ZNF483: variants seen among roughly 807,000 people sequenced by gnomAD.
ZNF483 encodes the protein zinc finger protein 483, also known as zinc finger protein HIT-10.
A neutral mutation model predicts 28.6 loss-of-function variants in ZNF483; 9 were observed. The ratio of observed to expected loss-of-function variants is 0.32; its 90% CI spans 0.19 to 0.55. The LOEUF is 0.55. Among genes scored for constraint, ZNF483 ranks in the 20% least tolerant of loss-of-function variants. The pLI is 0.93. For missense variants in ZNF483, 675 were observed against 871.7 expected, an observed-to-expected ratio of 0.77 and a Z score of 2.84; for synonymous variants, 322 against 306.2, an observed-to-expected ratio of 1.05 and a Z score of -0.54.
Position 111,527,733 on chromosome 9 carries a change from AG to A in ZNF483, c.339del (p.Lys113AsnfsTer12). 6.2e-7 allele frequency: 1 copy of A among 1,614,166 alleles called. No individual in the cohort carries two copies. The highest frequency in any genetic ancestry group is 1.1e-5 in the South Asian group (1 of 91,082). ...CCTGGGGAGATCAGGATTTGGGTAA[AG>A]TCACAACATCCTGAGAGTAGTGAGG... Reference protein sequence around the residue: ...ILPGEIRIWVKSQHPESSEEV... With the variant: ...ILPGEIRIWVXSQHPESSEEV... On this transcript the variant is annotated frameshift_variant, in exon 2 of 6. Transcript: ENST00000309235. LOFTEE classifies it high-confidence loss of function.
At chr9:111,566,644 G>C (rs1181419638) in intron 5 of ZNF483, among the ~76,000 whole-genome samples, 2 of 152,190 alleles carry the variant, frequency 1.3e-5, no homozygotes, top group African/African-American at 4.8e-5. Flanking sequence ...ACCTGGAAGA[G>C]CTGTGGCACA....
rs1359657381 is a variant in ZNF483, at chr9:111,549,842, A to G, written c.*6672A>G. On this transcript the variant is annotated 3_prime_UTR_variant, in exon 6 of 6. Transcript: ENST00000309235. Reference sequence around the variant, plus strand: ...ACATTTAGCTCTTTGAGCATCTTTAAGGCAGTTGCTTTAAAGTCTGTCTAG... The same window carrying G: ...ACATTTAGCTCTTTGAGCATCTTTAGGGCAGTTGCTTTAAAGTCTGTCTAG... 7.7e-7 allele frequency: 1 copy of G among 1,291,610 alleles called. No individual in the cohort carries two copies. The highest frequency in any genetic ancestry group is 1.1e-6 in the Non-Finnish European group (1 of 916,504). 80.0% of individuals were successfully genotyped at this position (1,291,610 alleles called of 1,614,324 possible). A position where few individuals can be genotyped will look rare whatever the true frequency, so the allele number is the denominator to read the frequency against.
Position 111,552,323 on chromosome 9 carries a change from T to G in ZNF483, c.*9153T>G, listed in dbSNP as rs1012412534. Among the ~76,000 whole-genome samples the G allele has an allele frequency of 6.6e-6, 1 of 152,234 alleles. No homozygotes were observed. Among genetic ancestry groups the G allele is most frequent in the Non-Finnish European group, 1.5e-5 (1 of 68,026 alleles). Reference sequence around the variant, plus strand: ...GAAGTTTCATAAACTGTCAACATTCTATAGCTTTTGTGCATATGTACTGAA... The same window carrying G: ...GAAGTTTCATAAACTGTCAACATTCGATAGCTTTTGTGCATATGTACTGAA... On this transcript the variant is annotated 3_prime_UTR_variant, in exon 6 of 6. Coordinates refer to ENST00000309235, the MANE Select transcript of ZNF483 (RefSeq NM_133464.5).
In ZNF483 at chr9:111,543,904, T is replaced by TC. The variant is rs1827739362; in HGVS notation, c.*736dup. The TC allele has an allele frequency of 1.0e-6, 1 of 984,922 alleles. No homozygotes were observed. The highest frequency in any genetic ancestry group is 4.7e-5 in the South Asian group (1 of 21,252). The allele number at this position is 984,922 out of a possible 1,614,324, so 61.0% of individuals were successfully genotyped here. On this transcript the variant is annotated 3_prime_UTR_variant, in exon 6 of 6. Transcript: ENST00000309235. The stretch of plus-strand genomic sequence containing the variant: ...TGAGTAGCTGACATTACGGGTACAC[T>TC]CCATCAAGCCTGGTTCCTAGGATGC...
intron 1 of ZNF483, among the ~76,000 whole-genome samples, chr9:111,525,766 G>T (rs565320829): frequency 6.6e-6 from 1 of 152,234 alleles, no homozygotes; most frequent in East Asian, 1.9e-4. Flanking sequence ...AGTCATCGCG[G>T]AGCCCCAGGT....
intron 3 of ZNF483, 73 bp downstream of exon 3, chr9:111,531,036 T>C (rs549653970): frequency 4.8e-5 from 33 of 690,332 alleles, no homozygotes; most frequent in Non-Finnish European, 1.3e-5. Flanking sequence ...TATAAAGATA[T>C]AAAAATAAAA....
chr9:111,534,004 GGTTC>G, intron 4 of ZNF483, 139 bp downstream of exon 4: 3 of 1,111,058 alleles, frequency 2.7e-6, no homozygotes, highest in Non-Finnish European at 3.9e-6. Context: ...CCTAAAAACT[GGTTC>G]TGAAAATGTG....
At chr9:111,568,742 ACTCTTT>A (rs1442610616) in intron 5 of ZNF483, among the ~76,000 whole-genome samples, 8 of 151,906 alleles carry the variant, frequency 5.3e-5, no homozygotes, top group African/African-American at 1.7e-4. Flanking sequence ...CTCTCTTTGT[ACTCTTT>A]CTCTTTATTT....
intron 5 of ZNF483, among the ~76,000 whole-genome samples, chr9:111,537,056 A>C (rs1827525337): frequency 6.6e-6 from 1 of 152,162 alleles, no homozygotes; most frequent in African/African-American, 2.4e-5. Context: ...GAGCACTTCC[A>C]GCATTACTAG....
chr9:111,543,342 G>A lies in ZNF483; in HGVS notation c.*172G>A. The A allele has an allele frequency of 2.2e-6, 3 of 1,386,288 alleles. No homozygotes were observed. The highest frequency in any genetic ancestry group is 2.8e-6 in the Non-Finnish European group (3 of 1,075,678). 85.9% of individuals were successfully genotyped at this position (1,386,288 alleles called of 1,614,324 possible). On this transcript the variant is annotated 3_prime_UTR_variant, in exon 6 of 6. Transcript: ENST00000309235. ...TTCTTTTCAAGGATGGCAACGACTG[G>A]TAAACAGTAATTAGTTGGTAAAGTC...
At chr9:111,534,833 C>A (rs1142971) in intron 5 of ZNF483, among the ~76,000 whole-genome samples, 1 of 147,070 alleles carries the variant, frequency 6.8e-6, no homozygotes, top group East Asian at 2.1e-4. Context: ...AAGTGATTCT[C>A]CTGCCTCAGC....
chr9:111,525,749 G>A (rs1564588588), intron 1 of ZNF483, among the ~76,000 whole-genome samples: 1 of 152,152 alleles, frequency 6.6e-6, no homozygotes, highest in Non-Finnish European at 1.5e-5. Context: ...ACGGAGCCGA[G>A]TGTCTTAGTC....
intron 3 of ZNF483, among the ~76,000 whole-genome samples, chr9:111,532,908 CAAAAAAA>C (rs35437740): frequency 1.2e-5 from 1 of 84,792 alleles, no homozygotes; most frequent in Non-Finnish European, 2.5e-5. Context: ...GACTCCGTCT[CAAAAAAA>C]AAAAAAGAAA....
intron 2 of ZNF483, 97 bp from the exon 3 acceptor site, chr9:111,530,756 AATATATATATATATATATATAT>A (rs60541488): frequency 0.23 from 16,430 of 70,544 alleles, 1,934 homozygotes; most frequent in East Asian, 0.41. Flanking sequence ...ATCACTTAGA[AATATATATATATATATATATAT>A]ATATATATAT....
chr9:111,552,951 A>C lies in ZNF483; in HGVS notation c.*9781A>C, dbSNP rs948246765. On this transcript the variant is annotated 3_prime_UTR_variant, in exon 6 of 6. Coordinates refer to ENST00000309235, the MANE Select transcript of ZNF483 (RefSeq NM_133464.5). ...AATACGATAAAGTGATAATTTCTTCATCTCTCCATCTAAGGTTCTTTGTAG... is the reference window on the plus strand; with the variant it reads ...AATACGATAAAGTGATAATTTCTTCCTCTCTCCATCTAAGGTTCTTTGTAG... Among the ~76,000 whole-genome samples, 2 of 152,144 alleles carry C rather than the reference A, an allele frequency of 1.3e-5. No homozygotes were observed. The highest frequency in any genetic ancestry group is 2.9e-5 in the Non-Finnish European group (2 of 68,008).
Position 111,544,129 on chromosome 9 carries a change from A to G in ZNF483, c.*959A>G, listed in dbSNP as rs977853853. On this transcript the variant is annotated 3_prime_UTR_variant, in exon 6 of 6. Transcript: ENST00000309235. The stretch of plus-strand genomic sequence containing the variant: ...AAGCCAGAGAGCTTGCACCTGAGCC[A>G]TCTCAGCCGTGAGAGTAACAGTCCT... 2 of 985,434 alleles carry G rather than the reference A, an allele frequency of 2.0e-6. No individual in the cohort carries two copies. The highest frequency in any genetic ancestry group is 2.4e-6 in the Non-Finnish European group (2 of 829,958). 61.0% of individuals were successfully genotyped at this position (985,434 alleles called of 1,614,324 possible).
chr9:111,531,566 G>A (rs563910569), intron 3 of ZNF483, among the ~76,000 whole-genome samples: 26 of 152,086 alleles, frequency 1.7e-4, no homozygotes, highest in African/African-American at 6.0e-4. Context: ...TAGTAGAGAC[G>A]GGGTTTCACC....
chr9:111,535,014 C>A (rs538023023), intron 5 of ZNF483, among the ~76,000 whole-genome samples: 2 of 152,062 alleles, frequency 1.3e-5, no homozygotes, highest in African/African-American at 4.8e-5. Flanking sequence ...TGAGCCACCA[C>A]GCCCGGCTGC....
chr9:111,562,844 C>G, intron 5 of ZNF483: 1 of 794,458 alleles, frequency 1.3e-6, no homozygotes, highest in Non-Finnish European at 1.7e-6. Context: ...TGAAAACATA[C>G]AGTGTTTGGA....
Sources: gnomAD v4.1 joint callset for allele counts (sites outside exome capture counted in the v4.1 genomes callset) on GRCh38, gnomAD v4.1.1 for gene constraint, MANE v1.5 for transcripts, NCBI Gene and HGNC (gene_info 2026-07-23, HGNC 2026-07-21) for gene names.